Variants in REEP1 observed in about 807,000 individuals in gnomAD.
REEP1 encodes the protein receptor expression-enhancing protein 1.
A neutral mutation model predicts 40.3 loss-of-function variants in REEP1; 22 were observed. The observed-to-expected ratio is 0.55, with a 90% CI of 0.39 to 0.78. The LOEUF (loss-of-function observed/expected upper bound fraction) is 0.78, where lower values mean the gene tolerates loss of function less well. Among genes scored for constraint, REEP1 ranks in the 30% least tolerant of loss-of-function variants. The probability of loss-of-function intolerance (pLI) is 0.00; values close to 1 mark genes in which losing one functional copy is unlikely to be tolerated. For missense variants in REEP1, 280 were observed against 361.1 expected (o/e 0.78, Z 1.82); for synonymous variants, 116 against 139.2 (o/e 0.83, Z 1.17).
rs1681113301 is a variant in REEP1, at chr2:86,337,608, C to G, written c.-98G>C. ...CGTTCCCGGAACGTCAGTCAGCTCA[C>G]GGCAGCCGCCGCCAGACTGAGCGCG... On this transcript the variant is annotated 5_prime_UTR_variant, in exon 1 of 9. Transcript: ENST00000538924. This position sits in a 1 kb window ranked among gnomAD's most constrained non-coding sequence, Gnocchi z 5.8. 9.7e-6 allele frequency: 11 copies of G among 1,133,434 alleles called. No homozygotes were observed. The highest frequency in any genetic ancestry group is 1.2e-5 in the Non-Finnish European group (11 of 925,360). 70.2% of individuals were successfully genotyped at this position (1,133,434 alleles called of 1,614,324 possible).
At chr2:86,314,547 A>G (rs1207179356) in intron 1 of REEP1, among the ~76,000 whole-genome samples, 1 of 151,626 alleles carries the variant, frequency 6.6e-6, no homozygotes, top group Non-Finnish European at 1.5e-5. Flanking sequence ...GATGGAAAAG[A>G]GCCTCTCCAG....
chr2:86,226,466 TTC>T (rs199745316), intron 7 of REEP1, among the ~76,000 whole-genome samples: 82,161 of 118,696 alleles, frequency 0.69, 29,984 homozygotes, highest in Non-Finnish European at 0.81. Flanking sequence ...GCTTTTTCTT[TTC>T]TTTTTTTTTT....
intron 1 of REEP1, among the ~76,000 whole-genome samples, chr2:86,309,886 G>A (rs1049040429): frequency 4.6e-5 from 7 of 152,094 alleles, no homozygotes; most frequent in Non-Finnish European, 4.4e-5. Flanking sequence ...TGAATCTAAC[G>A]TCTGTGTTTC....
chr2:86,283,415 C>T (rs1678207290), intron 1 of REEP1, among the ~76,000 whole-genome samples: 1 of 152,198 alleles, frequency 6.6e-6, no homozygotes, highest in African/African-American at 2.4e-5. Context: ...GAGCTGACAT[C>T]TCCTGTGACA....
chr2:86,254,608 T>G, intron 4 of REEP1, 86 bp downstream of exon 4: 1 of 1,435,916 alleles, frequency 7.0e-7, no homozygotes, highest in Non-Finnish European at 9.7e-7. Context: ...AAATGAGAAG[T>G]CTCCTGCAAT....
At chr2:86,290,685 T>C (rs1241651595) in intron 1 of REEP1, among the ~76,000 whole-genome samples, 1 of 152,198 alleles carries the variant, frequency 6.6e-6, no homozygotes, top group Admixed American at 6.5e-5. Flanking sequence ...AGATACGCTG[T>C]GGGCCTGGGA....
intron 1 of REEP1, among the ~76,000 whole-genome samples, chr2:86,290,157 C>G (rs1001051414): frequency 5.9e-5 from 9 of 152,064 alleles, no homozygotes; most frequent in African/African-American, 2.2e-4. Context: ...CCACCACGCC[C>G]AGCTGATTTT....
intron 7 of REEP1, 107 bp downstream of exon 7, chr2:86,227,256 G>T: frequency 1.1e-6 from 1 of 886,558 alleles, no homozygotes; most frequent in South Asian, 5.8e-5. Flanking sequence ...CCCTCCCTAT[G>T]ACCATGCAGC....
chr2:86,305,635 C>T (rs1679446385), intron 1 of REEP1, among the ~76,000 whole-genome samples: 2 of 152,296 alleles, frequency 1.3e-5, no homozygotes, highest in South Asian at 4.1e-4. Context: ...TGCCCTTCTA[C>T]CAAGTGCCCC....
In REEP1 at chr2:86,326,726, A is replaced by AT. The variant is rs374216666; in HGVS notation, c.32+10752_32+10753insA. ...AAACTCCATCTCAAAAAAAAAATAA[A>AT]AAATAAAAAATCATAAAGTTTTAGG... On this transcript the variant is annotated intron_variant, in intron 1 of 8. Transcript: ENST00000538924. Among the ~76,000 whole-genome samples, 783 of 152,220 alleles carry AT rather than the reference A, an allele frequency of 5.1e-3. 10 individuals carry two copies. Among genetic ancestry groups the AT allele is most frequent in the African/African-American group, 0.018 (736 of 41,498 alleles).
At chr2:86,236,579 G>T (rs972985041) in intron 5 of REEP1, among the ~76,000 whole-genome samples, 2 of 152,174 alleles carry the variant, frequency 1.3e-5, no homozygotes, top group Middle Eastern at 3.4e-3. Context: ...TGGAGGATGA[G>T]GGGGGAGGAT....
chr2:86,304,951 T>C (rs1679415953), intron 1 of REEP1, among the ~76,000 whole-genome samples: 1 of 151,910 alleles, frequency 6.6e-6, no homozygotes, highest in African/African-American at 2.4e-5. Flanking sequence ...AGAGAGAAGA[T>C]TGAAACAGAC....
chr2:86,329,467 A>G (rs371634270), intron 1 of REEP1, among the ~76,000 whole-genome samples: 38 of 152,288 alleles, frequency 2.5e-4, no homozygotes, highest in East Asian at 1.7e-3. Context: ...AGAACTCATC[A>G]TAAAAACTTG....
chr2:86,223,302 C>G (rs1428986148), intron 7 of REEP1, among the ~76,000 whole-genome samples: 2 of 152,210 alleles, frequency 1.3e-5, no homozygotes, highest in Non-Finnish European at 2.9e-5. Context: ...GAGGGAGAAA[C>G]TGGCAGAGCC....
At chr2:86,260,770 T>G (rs751754244) in intron 3 of REEP1, among the ~76,000 whole-genome samples, 5 of 152,144 alleles carry the variant, frequency 3.3e-5, no homozygotes, top group African/African-American at 4.8e-5. Flanking sequence ...CTCCAGAGCC[T>G]TCAGATAAAA....
At chr2:86,310,318 A>G (rs757498193) in intron 1 of REEP1, among the ~76,000 whole-genome samples, 1 of 152,152 alleles carries the variant, frequency 6.6e-6, no homozygotes, top group Non-Finnish European at 1.5e-5. Flanking sequence ...TTTTTACTGT[A>G]TGTCTTCTAT....
intron 1 of REEP1, among the ~76,000 whole-genome samples, chr2:86,290,910 A>G (rs1053989337): frequency 6.6e-6 from 1 of 152,150 alleles, no homozygotes; most frequent in African/African-American, 2.4e-5. Flanking sequence ...AACAGGCTGG[A>G]GGGAGAAAAT....
chr2:86,301,544 G>A (rs1433305549), intron 1 of REEP1, among the ~76,000 whole-genome samples: 5 of 152,142 alleles, frequency 3.3e-5, no homozygotes, highest in Admixed American at 6.5e-5. Context: ...AGAGACCAGC[G>A]TGACAATACC....
chr2:86,248,031 A>G (rs1248152994), intron 5 of REEP1, among the ~76,000 whole-genome samples: 2 of 152,230 alleles, frequency 1.3e-5, no homozygotes, highest in African/African-American at 2.4e-5. Flanking sequence ...AAGATTTTTC[A>G]TTCTTCAGTT....
Sources: gnomAD v4.1 joint callset for allele counts (sites outside exome capture counted in the v4.1 genomes callset) on GRCh38, gnomAD v4.1.1 for gene constraint, Gnocchi (gnomAD v3.1) non-coding constraint, MANE v1.5 for transcripts, NCBI Gene and HGNC (gene_info 2026-07-23, HGNC 2026-07-21) for gene names.